The following EPHX2 variants were observed in gnomAD, a reference collection of about 807,000 sequenced individuals.
The protein encoded by EPHX2 is bifunctional epoxide hydrolase 2.
Under a neutral mutation model 78.7 loss-of-function variants are expected in EPHX2, and 74 were observed. The observed-to-expected ratio is 0.94, with a 90% CI of 0.78 to 1.14. The LOEUF is 1.14. Ranked by LOEUF, EPHX2 falls within the 50% of genes most tolerant of loss-of-function variation. EPHX2 has a pLI of 0.00. For missense variants in EPHX2, 715 were observed against 702.5 expected, an observed-to-expected ratio of 1.02 and a Z score of -0.20; for synonymous variants, 251 against 255.2, an observed-to-expected ratio of 0.98 and a Z score of 0.16.
intron 5 of EPHX2, among the ~76,000 whole-genome samples, chr8:27,507,507 T>G (rs1373435675): frequency 6.6e-6 from 1 of 152,170 alleles, no homozygotes; most frequent in African/African-American, 2.4e-5. Flanking sequence ...GAGGCACCTT[T>G]CTTTTTTGGG....
chr8:27,542,860 T>C (rs543674298), intron 16 of EPHX2, among the ~76,000 whole-genome samples: 6 of 152,192 alleles, frequency 3.9e-5, no homozygotes, highest in African/African-American at 1.4e-4. Flanking sequence ...CAGGGTGGTC[T>C]CAAACTCCTG....
chr8:27,526,971 C>T (rs1389353098), intron 12 of EPHX2, among the ~76,000 whole-genome samples: 1 of 152,050 alleles, frequency 6.6e-6, no homozygotes, highest in South Asian at 2.1e-4. Context: ...GGCGGAGTCG[C>T]CCTCTGTTGC....
chr8:27,516,421 G>C (rs770187032), intron 8 of EPHX2, 23 bp downstream of exon 8: 23 of 1,609,770 alleles, frequency 1.4e-5, no homozygotes, highest in Non-Finnish European at 1.7e-5. Flanking sequence ...TCTTGCAGCT[G>C]TCTTATGCTG....
chr8:27,501,342 C>CTTCTTCTTCTTT (rs1813770996), intron 2 of EPHX2, among the ~76,000 whole-genome samples: 1 of 112,460 alleles, frequency 8.9e-6, no homozygotes, highest in Non-Finnish European at 1.8e-5. Flanking sequence ...TCTTCTTCTT[C>CTTCTTCTTCTTT]TTCTTCTTCT....
chr8:27,540,341 G>A (rs903651214), intron 14 of EPHX2, among the ~76,000 whole-genome samples: 2 of 152,080 alleles, frequency 1.3e-5, no homozygotes, highest in African/African-American at 4.8e-5. Flanking sequence ...TAGGTGGGAG[G>A]GAACATCAGG....
At chr8:27,517,092 G>A (rs1291790162) in intron 8 of EPHX2, among the ~76,000 whole-genome samples, 1 of 151,672 alleles carries the variant, frequency 6.6e-6, no homozygotes, top group African/African-American at 2.4e-5. Flanking sequence ...GCTAATTTTT[G>A]TATTTTTAGT....
Position 27,541,473 on chromosome 8 carries a change from AG to A in EPHX2, c.1382del (p.Gly461ValfsTer3). 1 of 1,614,224 alleles carries A rather than the reference AG, an allele frequency of 6.2e-7. No individual in the cohort carries two copies. Among genetic ancestry groups the A allele is most frequent in the South Asian group, 1.1e-5 (1 of 91,086 alleles). On this transcript the variant is annotated frameshift_variant and splice_region_variant, in exon 16 of 19. Transcript: ENST00000521400. LOFTEE classifies it high-confidence loss of function. ...VQQFKKSGFR[G>X]PLNWYRNMER... ...TTTTTACTTTCTGATCTCTCCCCAG[AG>A]GTCCTCTAAACTGGTACCGAAACAT...
At chr8:27,534,272 C>T (rs747277) in intron 12 of EPHX2, among the ~76,000 whole-genome samples, 2,227 of 152,322 alleles carry the variant, frequency 0.015, 56 homozygotes, top group African/African-American at 0.051. Flanking sequence ...GATCCAGCAC[C>T]GCCAGATGAT....
intron 9 of EPHX2, 30 bp from the exon 10 acceptor site, chr8:27,520,853 G>T: frequency 6.2e-7 from 1 of 1,614,206 alleles, no homozygotes; most frequent in Non-Finnish European, 8.5e-7. Flanking sequence ...TGTGGTTGCT[G>T]ATTTTGCCTG....
intron 17 of EPHX2, 98 bp from the exon 18 acceptor site, chr8:27,544,087 CG>C: frequency 7.1e-7 from 1 of 1,401,306 alleles, no homozygotes. Context: ...GGGTGGCCTG[CG>C]GGGAGCAGAG....
intron 1 of EPHX2, among the ~76,000 whole-genome samples, chr8:27,496,100 T>A (rs1350210658): frequency 6.6e-6 from 1 of 152,230 alleles, no homozygotes; most frequent in East Asian, 1.9e-4. Context: ...ATAGGCTGTA[T>A]TCATTCTTTG....
At chr8:27,538,104 A>G (rs182426122) in intron 13 of EPHX2, among the ~76,000 whole-genome samples, 239 of 152,330 alleles carry the variant, frequency 1.6e-3, no homozygotes, top group Admixed American at 3.7e-3. Context: ...CTCAAATCCA[A>G]GCACTTGGGA....
chr8:27,501,324 T>TTTCTTCTTCTTCTTCTTCTTCTTCTTC (rs796293855), intron 2 of EPHX2, among the ~76,000 whole-genome samples: 93 of 103,006 alleles, frequency 9.0e-4, no homozygotes, highest in East Asian at 1.9e-3. Context: ...TGCTATATAT[T>TTTCTTCTTCTTCTTCTTCTTCTTCTTC]TTCTTCTTCT....
chr8:27,519,888 A>T (rs188164126), intron 9 of EPHX2, among the ~76,000 whole-genome samples: 9 of 152,248 alleles, frequency 5.9e-5, no homozygotes, highest in African/African-American at 2.2e-4. Context: ...TGGCCAACAA[A>T]GGCACAGTTG....
chr8:27,492,095 A>G (rs1813401070), intron 1 of EPHX2, among the ~76,000 whole-genome samples: 1 of 152,160 alleles, frequency 6.6e-6, no homozygotes, highest in Non-Finnish European at 1.5e-5. Context: ...CCTTTTACAT[A>G]TGAGGAAACT....
In EPHX2 at chr8:27,501,025, C is replaced by A; in HGVS notation, c.186+15C>A. 6.2e-7 allele frequency: 1 copy of A among 1,607,456 alleles called. No homozygotes were observed. The highest frequency in any genetic ancestry group is 8.5e-7 in the Non-Finnish European group (1 of 1,174,990). ...CACTTTCCCAGGTGAGGGGACATCA[C>A]CACACAGAGCCCTTTGGATGAACGT... On this transcript the variant is annotated intron_variant, in intron 2 of 18. Transcript: ENST00000521400.
chr8:27,499,902 A>G (rs1175246420), intron 1 of EPHX2, among the ~76,000 whole-genome samples: 1 of 152,182 alleles, frequency 6.6e-6, no homozygotes, highest in African/African-American at 2.4e-5. Flanking sequence ...TCGCCTTATA[A>G]GGGCACCAGT....
chr8:27,534,553 G>A (rs1364583439), intron 12 of EPHX2, among the ~76,000 whole-genome samples: 1 of 152,156 alleles, frequency 6.6e-6, no homozygotes, highest in Non-Finnish European at 1.5e-5. Flanking sequence ...TTGGGAGGCT[G>A]AGGCAAGAGA....
In EPHX2 at chr8:27,501,336, C is replaced by CTTCT. The variant is rs1554519509; in HGVS notation, c.186+328_186+331dup. Among the ~76,000 whole-genome samples the CTTCT allele has an allele frequency of 4.3e-3, 410 of 94,994 alleles. 7 individuals are homozygous for CTTCT. Among genetic ancestry groups the CTTCT allele is most frequent in the African/African-American group, 0.019 (388 of 20,568 alleles). 62.3% of individuals were successfully genotyped at this position (94,994 alleles called of 152,430 possible). On this transcript the variant is annotated intron_variant, in intron 2 of 18. Coordinates refer to ENST00000521400, the MANE Select transcript of EPHX2 (RefSeq NM_001979.6). ...AAATGCTATATATTTTCTTCTTCTT[C>CTTCT]TTCTTCTTCTTCTTCTTCTTCTTCT...
Sources: allele counts gnomAD v4.1 joint callset (sites outside exome capture counted in the v4.1 genomes callset), GRCh38; gene constraint gnomAD v4.1.1; transcripts MANE v1.5; gene names NCBI Gene and HGNC (gene_info 2026-07-23, HGNC 2026-07-21).